The following WIPF3 variants were observed in gnomAD, a reference collection of about 807,000 sequenced individuals.
WIPF3 encodes the protein WAS/WASL-interacting protein family member 3.
In WIPF3, 33 loss-of-function variants were observed where a neutral mutation model predicts 38.9. The observed-to-expected ratio is 0.85, with a 90% CI of 0.64 to 1.14. The LOEUF is 1.14. Ranked by LOEUF, WIPF3 falls within the 50% of genes most tolerant of loss-of-function variation. The probability of loss-of-function intolerance (pLI) is 0.00; values close to 1 mark genes in which losing one functional copy is unlikely to be tolerated. For synonymous variants in WIPF3, 324 were observed against 269.3 expected (o/e 1.20, Z -1.99); for missense variants, 711 against 652.5 (o/e 1.09, Z -0.98).
At chr7:29,884,662 T>C (rs1053062860) in intron 5 of WIPF3, 69 bp downstream of exon 5, 1 of 1,500,292 alleles carries the variant, frequency 6.7e-7, no homozygotes. Flanking sequence ...CACAGGACTT[T>C]ATTGTTGGAG....
chr7:29,907,930 A>G (rs957288231), intron 8 of WIPF3, among the ~76,000 whole-genome samples: 11 of 152,352 alleles, frequency 7.2e-5, no homozygotes, highest in African/African-American at 2.6e-4. Context: ...AGTCAACTAA[A>G]CAGAAAAGAA....
At chr7:29,838,767 A>G (rs1432968493) in intron 2 of WIPF3, among the ~76,000 whole-genome samples, 1 of 152,244 alleles carries the variant, frequency 6.6e-6, no homozygotes, top group Non-Finnish European at 1.5e-5. Context: ...AGACATGTTA[A>G]GAACATTTGT....
intron 2 of WIPF3, among the ~76,000 whole-genome samples, chr7:29,847,537 C>T (rs1228035642): frequency 1.3e-5 from 2 of 152,180 alleles, no homozygotes; most frequent in Non-Finnish European, 2.9e-5. Context: ...TTAGGTTGAA[C>T]AGAGTATTGA....
At chr7:29,910,566 C>A (rs988209232) in intron 8 of WIPF3, among the ~76,000 whole-genome samples, 2 of 151,996 alleles carry the variant, frequency 1.3e-5, no homozygotes, top group African/African-American at 2.4e-5. Flanking sequence ...GGATTATATA[C>A]CATGACCAAG....
At chr7:29,815,545 C>T (rs201853027) in intron 1 of WIPF3, among the ~76,000 whole-genome samples, 22 of 152,204 alleles carry the variant, frequency 1.4e-4, no homozygotes, top group East Asian at 9.7e-4. Context: ...CTAAAAAAGA[C>T]GAGCCAAGAT....
At chr7:29,815,106 T>C (rs1181882926) in intron 1 of WIPF3, among the ~76,000 whole-genome samples, 2 of 152,202 alleles carry the variant, frequency 1.3e-5, no homozygotes, top group Non-Finnish European at 1.5e-5. Flanking sequence ...GTTTCAGTCA[T>C]GCTTCTCTCC....
At chr7:29,901,871 G>GA (rs1786288279) in intron 7 of WIPF3, among the ~76,000 whole-genome samples, 1 of 140,594 alleles carries the variant, frequency 7.1e-6, no homozygotes, top group African/African-American at 2.7e-5. Flanking sequence ...AGAAAAGAAA[G>GA]AAAACCAGTG....
Position 29,904,394 on chromosome 7 carries a change from A to T in WIPF3, c.1428+32A>T, listed in dbSNP as rs755161229. The stretch of plus-strand genomic sequence containing the variant: ...CAAGCCTCATGTCTCTGAATGTAAA[A>T]CCAGGAATTCTCCTCAGGAGGCACA... On this transcript the variant is annotated intron_variant, in intron 8 of 8. Transcript: ENST00000242140. The T allele has an allele frequency of 3.7e-6, 6 of 1,605,782 alleles. No homozygotes were observed. In the East Asian group the frequency reaches 1.3e-4, roughly 36 times the overall value.
At chr7:29,901,244 T>G (rs1786268803) in intron 7 of WIPF3, among the ~76,000 whole-genome samples, 1 of 152,156 alleles carries the variant, frequency 6.6e-6, no homozygotes, top group Non-Finnish European at 1.5e-5. Flanking sequence ...AAGGACTACT[T>G]CAGCAGAATG....
chr7:29,883,792 T>A lies in WIPF3; in HGVS notation c.356-58T>A, dbSNP rs141296803. 2.0e-3 allele frequency: 2,951 copies of A among 1,504,828 alleles called. 59 individuals are homozygous for A. In the African/African-American group the frequency reaches 0.035, roughly 18 times the overall value. The allele number at this position is 1,504,828 out of a possible 1,614,324, so 93.2% of individuals were successfully genotyped here. ...TTGAGTGTCCTGAGTGCCGCCTACC[T>A]GCGGGGGCTTTCTCCTTCTTTATTG... On this transcript the variant is annotated intron_variant, in intron 4 of 8. Coordinates refer to ENST00000242140, the MANE Select transcript of WIPF3 (RefSeq NM_001080529.3).
At chr7:29,866,192 TCATGTATAA>T (rs1785384674) in intron 2 of WIPF3, among the ~76,000 whole-genome samples, 1 of 152,220 alleles carries the variant, frequency 6.6e-6, no homozygotes, top group African/African-American at 2.4e-5. Flanking sequence ...ACTTACATTA[TCATGTATAA>T]CAGACAATAC....
At chr7:29,910,277 A>G (rs1786481557) in intron 8 of WIPF3, among the ~76,000 whole-genome samples, 1 of 152,214 alleles carries the variant, frequency 6.6e-6, no homozygotes, top group South Asian at 2.1e-4. Flanking sequence ...AGGACATTTA[A>G]CCATTAATCA....
At chr7:29,846,278 C>T (rs566976375) in intron 2 of WIPF3, among the ~76,000 whole-genome samples, 1 of 152,322 alleles carries the variant, frequency 6.6e-6, no homozygotes, top group Admixed American at 6.5e-5. Flanking sequence ...GAAAGGAACA[C>T]AGCGTACCCA....
chr7:29,881,511 T>C (rs1265647193), intron 4 of WIPF3, among the ~76,000 whole-genome samples: 4 of 152,198 alleles, frequency 2.6e-5, no homozygotes, highest in Non-Finnish European at 5.9e-5. Flanking sequence ...AGAAAACATA[T>C]GACCTTTTAG....
chr7:29,882,039 C>T (rs1785729763), intron 4 of WIPF3, among the ~76,000 whole-genome samples: 2 of 152,262 alleles, frequency 1.3e-5, no homozygotes, highest in African/African-American at 4.8e-5. Flanking sequence ...TGCAGTCTCA[C>T]CTTCCTCCCT....
intron 7 of WIPF3, among the ~76,000 whole-genome samples, chr7:29,895,161 G>A (rs1786111001): frequency 6.6e-6 from 1 of 151,986 alleles, no homozygotes; most frequent in Non-Finnish European, 1.5e-5. Context: ...GGCTGGGCTC[G>A]AACTCCTGAC....
At chr7:29,815,291 A>T (rs886240201) in intron 1 of WIPF3, among the ~76,000 whole-genome samples, 2 of 152,214 alleles carry the variant, frequency 1.3e-5, no homozygotes, top group Admixed American at 6.5e-5. Flanking sequence ...CTGAGTTTCA[A>T]ATTCCCTTTC....
chr7:29,900,465 C>G (rs1786252003), intron 7 of WIPF3, among the ~76,000 whole-genome samples: 1 of 152,112 alleles, frequency 6.6e-6, no homozygotes, highest in South Asian at 2.1e-4. Flanking sequence ...AGGGTGACCT[C>G]TCTCAGAGAC....
chr7:29,808,093 C>T (rs1784312817), intron 1 of WIPF3, among the ~76,000 whole-genome samples: 1 of 152,172 alleles, frequency 6.6e-6, no homozygotes, highest in African/African-American at 2.4e-5. Flanking sequence ...TGCTTCTCAC[C>T]TTGACCTAAG....
Sources: allele counts gnomAD v4.1 joint callset (sites outside exome capture counted in the v4.1 genomes callset), GRCh38; gene constraint gnomAD v4.1.1; transcripts MANE v1.5; gene names NCBI Gene and HGNC (gene_info 2026-07-23, HGNC 2026-07-21).